The following TUFT1 variants were observed in gnomAD, a reference collection of about 807,000 sequenced individuals.
TUFT1 encodes the protein tuftelin 1.
A neutral mutation model predicts 57.8 loss-of-function variants in TUFT1; 43 were observed. The ratio of observed to expected loss-of-function variants is 0.74; its 90% CI spans 0.58 to 0.96. TUFT1 has a LOEUF of 0.96. Among genes scored for constraint, TUFT1 ranks in the 40% least tolerant of loss-of-function variants. The probability of loss-of-function intolerance (pLI) is 0.00; values close to 1 mark genes in which losing one functional copy is unlikely to be tolerated. For synonymous variants in TUFT1, 166 were observed against 176.7 expected, an observed-to-expected ratio of 0.94 and a Z score of 0.48; for missense variants, 459 against 489.0, an observed-to-expected ratio of 0.94 and a Z score of 0.58.
Position 151,562,621 on chromosome 1 carries a change from T to G in TUFT1, c.172T>G (p.Ser58Ala), listed in dbSNP as rs1665933240. The G allele has an allele frequency of 6.2e-7, 1 of 1,612,676 alleles. No homozygotes were observed. Among genetic ancestry groups the G allele is most frequent in the African/African-American group, 1.3e-5 (1 of 74,806 alleles). ...RKTYAMVSSH[S>A]AGHSLASELV... ...GACCTATGCCATGGTGTCCAGCCAC[T>G]CAGCTGGTCATTCTCTGGCTTCAGA... is the stretch of plus-strand genomic sequence containing the variant. Residue 58 changes from serine (S) to alanine (A), a missense_variant, in exon 3 of 13, where the codon TCA becomes GCA. Coordinates refer to ENST00000368849, the MANE Select transcript of TUFT1 (RefSeq NM_020127.3).
intron 1 of TUFT1, among the ~76,000 whole-genome samples, chr1:151,553,511 G>A (rs531980237): frequency 6.6e-6 from 1 of 152,300 alleles, no homozygotes; most frequent in Admixed American, 6.5e-5. Context: ...TTGAGAAGAG[G>A]GATTCTAGTT....
At chr1:151,562,242 T>A in intron 2 of TUFT1, 77 bp downstream of exon 2, 2 of 1,324,566 alleles carry the variant, frequency 1.5e-6, no homozygotes, top group Non-Finnish European at 2.2e-6. Flanking sequence ...ACCCAAGTAC[T>A]GCCTGGAGCC....
Position 151,581,954 on chromosome 1 carries a change from A to G in TUFT1, c.*247A>G, listed in dbSNP as rs1338743053. 1.6e-6 allele frequency: 1 copy of G among 610,536 alleles called. No homozygotes were observed. Among genetic ancestry groups the G allele is most frequent in the Non-Finnish European group, 3.0e-6 (1 of 338,198 alleles). The allele number at this position is 610,536 out of a possible 1,614,324, so 37.8% of individuals were successfully genotyped here. ...TGTCCTGCAAGCAGGAGCCAGGGCAATATCTATATTCCTACAGTGACTATT... is the reference window on the plus strand; with the variant it reads ...TGTCCTGCAAGCAGGAGCCAGGGCAGTATCTATATTCCTACAGTGACTATT... On this transcript the variant is annotated 3_prime_UTR_variant, in exon 13 of 13. Coordinates refer to ENST00000368849, the MANE Select transcript of TUFT1 (RefSeq NM_020127.3).
At chr1:151,550,048 C>T (rs909431344) in intron 1 of TUFT1, among the ~76,000 whole-genome samples, 1 of 151,154 alleles carries the variant, frequency 6.6e-6, no homozygotes, top group African/African-American at 2.4e-5. Context: ...CTTTCCTTCT[C>T]TTTATATGTT....
chr1:151,574,491 C>G, intron 8 of TUFT1, 93 bp downstream of exon 8: 7 of 1,519,132 alleles, frequency 4.6e-6, no homozygotes, highest in Non-Finnish European at 6.2e-6. Context: ...CCTTCTTTTC[C>G]AAGCCTCTCC....
chr1:151,581,091 G>A, intron 12 of TUFT1, 49 bp downstream of exon 12: 1 of 1,534,536 alleles, frequency 6.5e-7, no homozygotes, highest in East Asian at 2.2e-5. Flanking sequence ...AGGGGAGAAG[G>A]AGGGACAGAG....
intron 1 of TUFT1, among the ~76,000 whole-genome samples, chr1:151,549,691 A>G (rs1006754021): frequency 3.9e-5 from 6 of 152,204 alleles, no homozygotes; most frequent in Non-Finnish European, 7.3e-5. Context: ...ATGGTCATCA[A>G]TCAGGACTCA....
chr1:151,575,036 T>C, intron 9 of TUFT1, 31 bp downstream of exon 9: 3 of 1,546,958 alleles, frequency 1.9e-6, no homozygotes, highest in Non-Finnish European at 1.7e-6. Context: ...CACGGTGAAG[T>C]TGGGTTGCAG....
intron 8 of TUFT1, 107 bp downstream of exon 8, chr1:151,574,505 A>G: frequency 2.7e-6 from 4 of 1,462,518 alleles, no homozygotes; most frequent in Non-Finnish European, 3.7e-6. Context: ...CCTCTCCAGA[A>G]AAGCACACTT....
intron 2 of TUFT1, 35 bp from the exon 3 acceptor site, chr1:151,562,550 C>CTG (rs1364698363): frequency 6.5e-7 from 1 of 1,533,962 alleles, no homozygotes; most frequent in South Asian, 1.1e-5. Context: ...AGCCATCTCT[C>CTG]TCTCTCTCTC....
intron 3 of TUFT1, 111 bp from the exon 4 acceptor site, chr1:151,563,793 A>G: frequency 1.2e-6 from 1 of 865,252 alleles, no homozygotes; most frequent in Non-Finnish European, 1.9e-6. Flanking sequence ...AATTCCACCC[A>G]GTAAATTGGT....
rs552693307 is a variant in TUFT1 at position 151,581,882 on chromosome 1, C to T, written c.*175C>T. 32 of 667,454 alleles carry T rather than the reference C, an allele frequency of 4.8e-5. 1 individual carries two copies. The highest frequency in any genetic ancestry group is 3.3e-4 in the South Asian group (19 of 56,818). The allele number at this position is 667,454 out of a possible 1,614,324, so 41.3% of individuals were successfully genotyped here. A position where few individuals can be genotyped will look rare whatever the true frequency, so the allele number is the denominator to read the frequency against. Reference sequence around the variant, plus strand: ...CCCTGGCCACTCTAAGCTGGGCAGACGGAGCACGAGCACCTATTCAAGGCA... The same window carrying T: ...CCCTGGCCACTCTAAGCTGGGCAGATGGAGCACGAGCACCTATTCAAGGCA... On this transcript the variant is annotated 3_prime_UTR_variant, in exon 13 of 13. Transcript: ENST00000368849.
intron 6 of TUFT1, among the ~76,000 whole-genome samples, chr1:151,566,969 G>A (rs1179823165): frequency 1.3e-5 from 2 of 152,046 alleles, no homozygotes; most frequent in East Asian, 3.9e-4. Flanking sequence ...CACCCAGGCT[G>A]GAGTGCAGTG....
At chr1:151,560,462 C>T (rs1665848847) in intron 1 of TUFT1, among the ~76,000 whole-genome samples, 1 of 152,142 alleles carries the variant, frequency 6.6e-6, no homozygotes, top group Non-Finnish European at 1.5e-5. Flanking sequence ...ACCCCTTTTA[C>T]AGATAAAAAC....
intron 8 of TUFT1, 86 bp downstream of exon 8, chr1:151,574,484 T>C (rs1666381175): frequency 1.3e-6 from 2 of 1,551,208 alleles, no homozygotes; most frequent in Non-Finnish European, 1.7e-6. Context: ...CCGAGACCCT[T>C]CTTTTCCAAG....
At position 151,578,748 on chromosome 1, in the gene TUFT1, C is replaced by T. The variant is rs1231240745; in HGVS notation, c.846C>T (p.Ala282=). ...CTGCTACCCTGGAAAAGGAAGTGGCCGGGTTGCGGGAGAAGATCCACCACT... is the reference window on the plus strand; with the variant it reads ...CTGCTACCCTGGAAAAGGAAGTGGCTGGGTTGCGGGAGAAGATCCACCACT... ...EKAATLEKEV[A]GLREKIHHLD... is the part of the protein sequence containing the mutation. Residue 282 remains alanine (A), a synonymous_variant, in exon 10 of 13, where the codon GCC becomes GCT. Transcript: ENST00000368849. The T allele has an allele frequency of 1.0e-5, 16 of 1,578,732 alleles. No individual in the cohort carries two copies. The highest frequency in any genetic ancestry group is 4.0e-5 in the African/African-American group (3 of 74,266).
At chr1:151,566,268 G>T in intron 6 of TUFT1, 40 bp downstream of exon 6, 1 of 1,565,216 alleles carries the variant, frequency 6.4e-7, no homozygotes. Context: ...CGCTTAGCCA[G>T]GGGCAGGATT....
At position 151,564,566 on chromosome 1, in the gene TUFT1, C is replaced by A; in HGVS notation, c.366C>A (p.Ser122Arg). ...CLQKLREDIS[S>R]KLDRNLGDSL... The stretch of plus-strand genomic sequence containing the variant: ...AGAAGCTCCGGGAGGATATAAGTAG[C>A]AAGCTTGACAGGAACCTAGGAGATT... Residue 122 changes from serine to arginine, a missense_variant, in exon 5 of 13, where the codon AGC becomes AGA. Ser to Arg is a moderately radical substitution (Grantham distance 110). Transcript: ENST00000368849. 6.2e-7 allele frequency: 1 copy of A among 1,614,150 alleles called. No individual in the cohort carries two copies. The highest frequency in any genetic ancestry group is 1.1e-5 in the South Asian group (1 of 91,076).
At chr1:151,557,673 G>A in intron 1 of TUFT1, 1 of 883,360 alleles carries the variant, frequency 1.1e-6, no homozygotes. Flanking sequence ...AGGGCATCCA[G>A]TATCTCCGTG....
Sources: allele counts gnomAD v4.1 joint callset (sites outside exome capture counted in the v4.1 genomes callset), GRCh38; gene constraint gnomAD v4.1.1; transcripts MANE v1.5; gene names NCBI Gene and HGNC (gene_info 2026-07-23, HGNC 2026-07-21).